Variants in OGT observed in about 807,000 individuals in gnomAD.
OGT encodes UDP-N-acetylglucosamine--peptide N-acetylglucosaminyltransferase 110 kDa subunit.
Under a neutral mutation model 75.8 loss-of-function variants are expected in OGT, and 3 were observed. The ratio of observed to expected loss-of-function variants is 0.04; its 90% CI spans 0.02 to 0.10. The LOEUF (loss-of-function observed/expected upper bound fraction) is 0.10, where lower values mean the gene tolerates loss of function less well. Ranked by LOEUF, OGT falls within the 10% of genes least tolerant of loss-of-function variation. The pLI, the probability that OGT is intolerant of heterozygous loss-of-function variation, is 1.00. For synonymous variants in OGT, 257 were observed against 289.7 expected (o/e 0.89, Z 1.15); for missense variants, 260 against 824.4 (o/e 0.32, Z 8.38).
At chrX:71,558,859 C>T (rs2040362533) in intron 12 of OGT, among the ~76,000 whole-genome samples, 2 of 101,460 alleles carry the variant, frequency 2.0e-5, no homozygotes, top group African/African-American at 7.3e-5. Context: ...CTGCAACCTC[C>T]ACCTCCCAGG....
intron 2 of OGT, among the ~76,000 whole-genome samples, chrX:71,537,405 G>A (rs2040186712): frequency 9.0e-6 from 1 of 111,667 alleles, no homozygotes; most frequent in South Asian, 3.7e-4. Context: ...GGGTTCAAGC[G>A]ATTCTCCTGC....
rs2040330105 is a variant in OGT at position 71,554,662 on chromosome X, A to G, written c.728+70A>G. On this transcript the variant is annotated intron_variant, in intron 6 of 21. Transcript: ENST00000373719. ...TATTGACACTTGACAGTTTGGACCG[A>G]AATGATGACAATAGTCCATTGAAGC... The G allele has an allele frequency of 3.6e-6, 3 of 828,405 alleles. No individual in the cohort carries two copies. In the South Asian group the frequency reaches 6.5e-5, roughly 18 times the overall value. The allele number at this position is 828,405 out of a possible 1,213,427, so 68.3% of individuals were successfully genotyped here. A position where few individuals can be genotyped will look rare whatever the true frequency, so the allele number is the denominator to read the frequency against.
At chrX:71,559,206 C>T (rs1446002000) in intron 12 of OGT, 61 bp from the exon 13 acceptor site, 7 of 1,101,478 alleles carry the variant, frequency 6.4e-6, no homozygotes, top group Non-Finnish European at 8.7e-6. Flanking sequence ...TGTTTTTCGT[C>T]AGTTTTCCTA....
chrX:71,571,044 A>C (rs1205631721), intron 21 of OGT, among the ~76,000 whole-genome samples: 2 of 107,191 alleles, frequency 1.9e-5, no homozygotes. Context: ...CAAGCAGTCC[A>C]CCCACCTCGG....
chrX:71,537,904 G>T lies in OGT; in HGVS notation c.294G>T (p.Val98=). Residue 98 remains valine, a synonymous_variant, in exon 3 of 22, where the codon GTG becomes GTT. Transcript: ENST00000373719. ...AAGCTTATTCGAATTTGGGGAATGT[G>T]TACAAGGAAAGAGGGCAGTTGCAGG... ...LAEAYSNLGN[V]YKERGQLQEA... 1 of 1,211,945 alleles carries T rather than the reference G, an allele frequency of 8.3e-7. No homozygotes were observed. The highest frequency in any genetic ancestry group is 1.1e-6 in the Non-Finnish European group (1 of 895,437).
At chrX:71,552,270 TA>T (rs2147679524) in intron 5 of OGT, among the ~76,000 whole-genome samples, 1 of 109,763 alleles carries the variant, frequency 9.1e-6, no homozygotes, top group East Asian at 2.8e-4. Context: ...CAAAAATAAA[TA>T]AATAAACACA....
chrX:71,540,080 G>C (rs2040206919), intron 3 of OGT, among the ~76,000 whole-genome samples: 1 of 112,564 alleles, frequency 8.9e-6, no homozygotes, highest in Non-Finnish European at 1.9e-5. Context: ...TGAATGCATT[G>C]AATGGCCATG....
intron 5 of OGT, 64 bp downstream of exon 5, chrX:71,548,087 A>C: frequency 1.9e-6 from 2 of 1,053,092 alleles, no homozygotes; most frequent in Non-Finnish European, 2.6e-6. Context: ...TTTTACTAGA[A>C]CTAAATAATA....
intron 5 of OGT, among the ~76,000 whole-genome samples, chrX:71,549,070 C>T (rs1374906950): frequency 1.8e-5 from 2 of 108,924 alleles, no homozygotes; most frequent in Non-Finnish European, 3.8e-5. Context: ...TTTGGGAGGC[C>T]GAGGCGGGCA....
At chrX:71,562,727 T>C (rs2040392830) in intron 15 of OGT, 120 bp from the exon 16 acceptor site, 5 of 626,701 alleles carry the variant, frequency 8.0e-6, no homozygotes, top group Non-Finnish European at 6.9e-6. Context: ...AAAAACCACT[T>C]TATTGAGGTA....
Position 71,573,686 on chromosome X carries a change from A to G in OGT, c.3033A>G (p.Gln1011=). ...RISSPLFNTK[Q]YTMELERLYL... ...CTAGCCCTCTGTTCAACACCAAACA[A>G]TACACAATGGAACTAGAGCGGCTCT... The change falls in exon 22 of 22, where the codon CAA becomes CAG. Residue 1011 remains glutamine (Q), a synonymous_variant. Transcript: ENST00000373719. 8.3e-7 allele frequency: 1 copy of G among 1,210,062 alleles called. No homozygotes were observed. Among genetic ancestry groups the G allele is most frequent in the East Asian group, 3.0e-5 (1 of 33,846 alleles).
chrX:71,533,406 C>A, intron 1 of OGT, 70 bp downstream of exon 1: 1 of 944,896 alleles, frequency 1.1e-6, no homozygotes, highest in Non-Finnish European at 1.5e-6. Flanking sequence ...CCTTGTATCA[C>A]TCCTTCCCTC....
At chrX:71,564,883 G>A (rs2040406420) in intron 19 of OGT, 130 bp downstream of exon 19, 1 of 473,586 alleles carries the variant, frequency 2.1e-6, no homozygotes, top group Non-Finnish European at 3.4e-6. Flanking sequence ...TTGGCTGGGT[G>A]CAGTGGCTCA....
Position 71,563,114 on chromosome X carries a change from CTA to C in OGT, c.2149-14_2149-13del, listed in dbSNP as rs2040394972. 2 of 1,199,142 alleles carry C rather than the reference CTA, an allele frequency of 1.7e-6. No individual in the cohort carries two copies. Among genetic ancestry groups the C allele is most frequent in the African/African-American group, 1.8e-5 (1 of 57,026 alleles). On this transcript the variant is annotated splice_polypyrimidine_tract_variant and intron_variant, in intron 16 of 21. Transcript: ENST00000373719. ...TAAATCCTAAAAGACATGTCTGAAA[CTA>C]TTTTTTCCATTAGAAAAAAGCAGTC...
chrX:71,551,237 C>A (rs1324004853), intron 5 of OGT, among the ~76,000 whole-genome samples: 1 of 112,217 alleles, frequency 8.9e-6, no homozygotes, highest in African/African-American at 3.2e-5. Context: ...ATGAACTAGA[C>A]CATAGAGTAA....
chrX:71,551,736 A>G (rs148666142), intron 5 of OGT, among the ~76,000 whole-genome samples: 31 of 112,438 alleles, frequency 2.8e-4, no homozygotes, highest in Admixed American at 9.4e-4. Context: ...GTAGTCTTGC[A>G]CAAAGAGAAA....
In OGT at chrX:71,571,825, A is replaced by G. The variant is rs181996734; in HGVS notation, c.2967-1795A>G. Among the ~76,000 whole-genome samples the G allele has an allele frequency of 1.5e-3, 162 of 108,985 alleles. 1 individual carries two copies. The highest frequency in any genetic ancestry group is 5.1e-3 in the African/African-American group (152 of 29,827). The allele number at this position is 108,985 out of a possible 115,157, so 94.6% of individuals were successfully genotyped here. A position where few individuals can be genotyped will look rare whatever the true frequency, so the allele number is the denominator to read the frequency against. On this transcript the variant is annotated intron_variant, in intron 21 of 21. Transcript: ENST00000373719. The stretch of plus-strand genomic sequence containing the variant: ...TGCTCTGTCGCCCAAGTTGGAGTGC[A>G]GTGGTGTGATCTTGGCTCACTGCAG...
intron 1 of OGT, among the ~76,000 whole-genome samples, chrX:71,533,614 T>C (rs1372904362): frequency 9.0e-6 from 1 of 111,426 alleles, no homozygotes; most frequent in Non-Finnish European, 1.9e-5. Flanking sequence ...TCCAGGCGCT[T>C]TTATCACACG....
At chrX:71,550,379 G>T (rs1244617809) in intron 5 of OGT, among the ~76,000 whole-genome samples, 2 of 110,732 alleles carry the variant, frequency 1.8e-5, no homozygotes, top group Non-Finnish European at 3.8e-5. Flanking sequence ...TGTTTTTTTT[G>T]TTTTGTTTTG....
Sources: allele counts gnomAD v4.1 joint callset (sites outside exome capture counted in the v4.1 genomes callset), GRCh38; gene constraint gnomAD v4.1.1; transcripts MANE v1.5; gene names NCBI Gene and HGNC (gene_info 2026-07-23, HGNC 2026-07-21).